CPPED1: variants seen among roughly 807,000 people sequenced by gnomAD.
CPPED1 encodes serine/threonine-protein phosphatase CPPED1.
Under a neutral mutation model 28.0 loss-of-function variants are expected in CPPED1, and 28 were observed. The observed-to-expected ratio is 1.00, with a 90% CI of 0.74 to 1.37. The LOEUF (loss-of-function observed/expected upper bound fraction) is 1.37, where lower values mean the gene tolerates loss of function less well. Ranked by LOEUF, CPPED1 falls within the 40% of genes most tolerant of loss-of-function variation. The pLI, the probability that CPPED1 is intolerant of heterozygous loss-of-function variation, is 0.00. For missense variants in CPPED1, 504 were observed against 416.5 expected (o/e 1.21, Z -1.83); for synonymous variants, 198 against 180.2 (o/e 1.10, Z -0.79).
intron 2 of CPPED1, among the ~76,000 whole-genome samples, chr16:12,719,910 T>G (rs543730177): frequency 6.6e-6 from 1 of 151,748 alleles, no homozygotes. Context: ...TACTCCAGCC[T>G]AGGCGACAAG....
rs373888870 is a variant in CPPED1 at position 12,679,244 on chromosome 16, C to CACG, written c.716-14132_716-14130dup. 1.4e-3 allele frequency among the ~76,000 whole-genome samples: 206 copies of CACG among 152,332 alleles called. 2 individuals are homozygous for CACG. Among genetic ancestry groups the CACG allele is most frequent in the African/African-American group, 4.7e-3 (195 of 41,580 alleles). On this transcript the variant is annotated intron_variant, in intron 3 of 3. Transcript: ENST00000381774. The stretch of plus-strand genomic sequence containing the variant: ...CATCTTCCTCTGAACAAAGCAGGTT[C>CACG]ACGGACTTACTATGGTTGGACGTGT...
chr16:12,734,286 T>A (rs2141207247), intron 2 of CPPED1, among the ~76,000 whole-genome samples: 1 of 152,172 alleles, frequency 6.6e-6, no homozygotes, highest in Non-Finnish European at 1.5e-5. Context: ...GCCAGCCTGA[T>A]CTCGAACTCC....
At chr16:12,762,776 C>T (rs1324287750) in intron 2 of CPPED1, among the ~76,000 whole-genome samples, 1 of 152,104 alleles carries the variant, frequency 6.6e-6, no homozygotes, top group Non-Finnish European at 1.5e-5. Context: ...CAGTGTTCCA[C>T]TCTGTCCTCC....
chr16:12,738,330 A>T (rs1274276882), intron 2 of CPPED1, among the ~76,000 whole-genome samples: 1 of 152,172 alleles, frequency 6.6e-6, no homozygotes, highest in East Asian at 1.9e-4. Flanking sequence ...CAACAATGTT[A>T]ATAGTTATTA....
intron 3 of CPPED1, among the ~76,000 whole-genome samples, chr16:12,687,940 TGAAG>T (rs2079941669): frequency 6.7e-6 from 1 of 149,986 alleles, no homozygotes; most frequent in African/African-American, 2.5e-5. Context: ...AACAAAAGAA[TGAAG>T]GAAGAAGGAG....
intron 1 of CPPED1, among the ~76,000 whole-genome samples, chr16:12,795,570 C>A (rs1408562118): frequency 1.3e-5 from 2 of 152,064 alleles, no homozygotes; most frequent in East Asian, 3.9e-4. Context: ...AAACTCCTGA[C>A]CTCAAGCGAT....
intron 2 of CPPED1, among the ~76,000 whole-genome samples, chr16:12,706,579 C>CA (rs1349261938): frequency 8.4e-6 from 1 of 119,736 alleles, no homozygotes; most frequent in African/African-American, 3.1e-5. Flanking sequence ...AAAAAAAACT[C>CA]AAAGATTTTG....
At chr16:12,748,214 C>G (rs1471141734) in intron 2 of CPPED1, among the ~76,000 whole-genome samples, 1 of 151,940 alleles carries the variant, frequency 6.6e-6, no homozygotes, top group Non-Finnish European at 1.5e-5. Flanking sequence ...CAACCTATGC[C>G]CAAACACAGC....
chr16:12,682,094 C>T lies in CPPED1; in HGVS notation c.716-16979G>A, dbSNP rs572940529. 1.5e-4 allele frequency among the ~76,000 whole-genome samples: 23 copies of T among 152,166 alleles called. No individual in the cohort carries two copies. The highest frequency in any genetic ancestry group is 1.9e-4 in the African/African-American group (8 of 41,500). On this transcript the variant is annotated intron_variant, in intron 3 of 3. Coordinates refer to ENST00000381774, the MANE Select transcript of CPPED1 (RefSeq NM_018340.3). The surrounding 1 kb of genome is among the most constrained non-coding windows in gnomAD (Gnocchi z 6.1). ...GGTCGCCTATGTTGGAGTGCAGTGG[C>T]GCGATCTTGGCTCACTGCAACTTGC... is the stretch of plus-strand genomic sequence containing the variant.
chr16:12,691,162 C>T (rs561360167), intron 3 of CPPED1, among the ~76,000 whole-genome samples: 76 of 152,306 alleles, frequency 5.0e-4, no homozygotes, highest in Non-Finnish European at 5.4e-4. Context: ...CTGGGGAAGC[C>T]GATTTGTCTC....
At chr16:12,736,235 A>G (rs1375578312) in intron 2 of CPPED1, among the ~76,000 whole-genome samples, 1 of 151,816 alleles carries the variant, frequency 6.6e-6, no homozygotes, top group Non-Finnish European at 1.5e-5. Context: ...AGAAAAGGTT[A>G]AACACCTTTG....
At chr16:12,730,139 C>T (rs1444603093) in intron 2 of CPPED1, among the ~76,000 whole-genome samples, 4 of 152,078 alleles carry the variant, frequency 2.6e-5, no homozygotes, top group African/African-American at 4.8e-5. Context: ...TGGGATTACA[C>T]GTGTGAGCCA....
chr16:12,768,865 T>TGC (rs2080454005), intron 2 of CPPED1, among the ~76,000 whole-genome samples: 1 of 138,902 alleles, frequency 7.2e-6, no homozygotes, highest in Non-Finnish European at 1.6e-5. Context: ...TTTTTTCTTT[T>TGC]TCTTTTTTTT....
At chr16:12,777,350 A>G (rs1385151755) in intron 2 of CPPED1, among the ~76,000 whole-genome samples, 2 of 152,230 alleles carry the variant, frequency 1.3e-5, no homozygotes, top group African/African-American at 2.4e-5. Flanking sequence ...CTGATTTGTC[A>G]GCTTCACACG....
intron 2 of CPPED1, among the ~76,000 whole-genome samples, chr16:12,712,106 G>A (rs1420223090): frequency 7.2e-5 from 11 of 152,150 alleles, no homozygotes; most frequent in African/African-American, 1.9e-4. Context: ...CTGACAACTC[G>A]TTTACTGTGG....
chr16:12,797,423 C>T (rs778098205), intron 1 of CPPED1, among the ~76,000 whole-genome samples: 2 of 152,114 alleles, frequency 1.3e-5, no homozygotes, highest in Non-Finnish European at 2.9e-5. Context: ...GTAGCACCTT[C>T]TCTGTTCCTA....
intron 3 of CPPED1, among the ~76,000 whole-genome samples, chr16:12,694,482 A>C (rs1187895853): frequency 6.6e-6 from 1 of 152,158 alleles, no homozygotes; most frequent in Non-Finnish European, 1.5e-5. Context: ...TGAGAAATCT[A>C]ATCCATCACT....
At chr16:12,717,534 G>C (rs898519029) in intron 2 of CPPED1, among the ~76,000 whole-genome samples, 6 of 152,184 alleles carry the variant, frequency 3.9e-5, no homozygotes, top group African/African-American at 1.4e-4. Context: ...AAAGTGCTAG[G>C]ATTACAGGCG....
chr16:12,747,765 G>A (rs1420801718), intron 2 of CPPED1, among the ~76,000 whole-genome samples: 2 of 152,148 alleles, frequency 1.3e-5, no homozygotes, highest in African/African-American at 4.8e-5. Flanking sequence ...TATTGTGATT[G>A]TAGTTTCACA....
Sources: gnomAD v4.1 joint callset for allele counts (sites outside exome capture counted in the v4.1 genomes callset) on GRCh38, gnomAD v4.1.1 for gene constraint, Gnocchi (gnomAD v3.1) non-coding constraint, MANE v1.5 for transcripts, NCBI Gene and HGNC (gene_info 2026-07-23, HGNC 2026-07-21) for gene names.